The following SCN10A variants were observed in gnomAD, a reference collection of about 807,000 sequenced individuals.
SCN10A encodes the protein sodium channel protein type 10 subunit alpha.
In SCN10A, 162 loss-of-function variants were observed where a neutral mutation model predicts 170.7. That is an observed-to-expected ratio of 0.95 (90% CI 0.84 to 1.08). SCN10A has a LOEUF of 1.08. Ranked by LOEUF, SCN10A falls within the 50% of genes least tolerant of loss-of-function variation. The probability of loss-of-function intolerance (pLI) is 0.00; values close to 1 mark genes in which losing one functional copy is unlikely to be tolerated. For synonymous variants in SCN10A, 985 were observed against 904.6 expected (o/e 1.09, Z -1.59); for missense variants, 2,527 against 2,436.9 (o/e 1.04, Z -0.78).
chr3:38,782,317 G>A lies in SCN10A; in HGVS notation c.470+6639C>T, dbSNP rs113517900. Among the ~76,000 whole-genome samples the A allele has an allele frequency of 2.9e-3, 434 of 152,022 alleles. 2 individuals are homozygous for A. Among genetic ancestry groups the A allele is most frequent in the African/African-American group, 9.6e-3 (397 of 41,480 alleles). On this transcript the variant is annotated intron_variant, in intron 4 of 27. Coordinates refer to ENST00000449082, the MANE Select transcript of SCN10A (RefSeq NM_006514.4). ...CTGGGGCTTGTTGGGCAGCGGGGGC[G>A]GTAAAATGCCTTTATTCTCATTTTT... is the stretch of plus-strand genomic sequence containing the variant.
intron 15 of SCN10A, among the ~76,000 whole-genome samples, chr3:38,731,298 G>C (rs1262463774): frequency 6.6e-6 from 1 of 152,160 alleles, no homozygotes; most frequent in African/African-American, 2.4e-5. Flanking sequence ...TAAACAAAGA[G>C]GTTATGGCCA....
At chr3:38,776,792 AG>A (rs1421119978) in intron 4 of SCN10A, among the ~76,000 whole-genome samples, 2 of 152,064 alleles carry the variant, frequency 1.3e-5, no homozygotes, top group Non-Finnish European at 2.9e-5. Context: ...TTATGAAAGA[AG>A]ATTACAGGCC....
intron 1 of SCN10A, among the ~76,000 whole-genome samples, chr3:38,794,417 G>A (rs1252515987): frequency 6.6e-6 from 1 of 152,148 alleles, no homozygotes; most frequent in Non-Finnish European, 1.5e-5. Context: ...TTGGTTTATA[G>A]TCTACTTTAT....
At chr3:38,799,622 C>T (rs1379570499) in intron 1 of SCN10A, among the ~76,000 whole-genome samples, 1 of 152,076 alleles carries the variant, frequency 6.6e-6, no homozygotes, top group Non-Finnish European at 1.5e-5. Context: ...CGTGCTTCTG[C>T]CTGATGCTCT....
chr3:38,710,716 A>ACAGTGTGAGGTTGCTGGGTGATG (rs2063264276), intron 24 of SCN10A, 128 bp downstream of exon 24: 2 of 822,714 alleles, frequency 2.4e-6, no homozygotes, highest in Non-Finnish European at 4.0e-6. Context: ...GCAAGGAGGG[A>ACAGTGTGAGGTTGCTGGGTGATG]CAGTGTGAGG....
At chr3:38,751,359 C>T (rs2063745225) in intron 12 of SCN10A, among the ~76,000 whole-genome samples, 1 of 152,204 alleles carries the variant, frequency 6.6e-6, no homozygotes, top group South Asian at 2.1e-4. Context: ...GCCCAGCCCA[C>T]ACCTCTGTAA....
At position 38,697,411 on chromosome 3, in the gene SCN10A, A is replaced by T. The variant is rs1412226048; in HGVS notation, c.5809T>A (p.Ser1937Thr). 6.2e-7 allele frequency: 1 copy of T among 1,614,232 alleles called. No individual in the cohort carries two copies. Among genetic ancestry groups the T allele is most frequent in the Non-Finnish European group, 8.5e-7 (1 of 1,180,048 alleles). ...TCATCTTCATTTTGTATTGAGCTAG[A>T]TGTCCTCATGTTGACTCTATCACTA... is the stretch of plus-strand genomic sequence containing the variant. ...GLSDRVNMRT[S>T]SSIQNEDEAT... Residue 1937 changes from serine (S) to threonine (T), a missense_variant, in exon 28 of 28, where the codon TCT (serine) becomes ACT (threonine). Coordinates refer to ENST00000449082, the MANE Select transcript of SCN10A (RefSeq NM_006514.4).
In SCN10A at chr3:38,752,251, T is replaced by C. The variant is rs1356542268; in HGVS notation, c.1723A>G (p.Ser575Gly). 1.1e-5 allele frequency: 17 copies of C among 1,561,852 alleles called. No homozygotes were observed. Among genetic ancestry groups the C allele is most frequent in the Non-Finnish European group, 1.4e-5 (16 of 1,153,080 alleles). ...TCGACAGCTCCAGGGGCAAGCTCAC[T>C]AGTGGGCGGCGGTTGGTGTTCATCT... ...GEDEHQPPPT[S>G]ELAPGAVDVS... is the part of the protein sequence containing the mutation. The change falls in exon 12 of 28, where the codon AGT becomes GGT. Residue 575 changes from serine (S) to glycine (G), a missense_variant. Transcript: ENST00000449082.
At chr3:38,760,776 C>T in intron 7 of SCN10A, 29 bp from the exon 8 acceptor site, 1 of 1,586,628 alleles carries the variant, frequency 6.3e-7, no homozygotes, top group Non-Finnish European at 8.7e-7. Context: ...GAAAGCCTCA[C>T]AGATGGTTCT....
At chr3:38,761,448 A>T in intron 6 of SCN10A, 65 bp from the exon 7 acceptor site, 9 of 1,387,876 alleles carry the variant, frequency 6.5e-6, no homozygotes, top group Non-Finnish European at 9.0e-6. Context: ...ACACTTCTTC[A>T]TCTTAGCCAT....
intron 5 of SCN10A, among the ~76,000 whole-genome samples, chr3:38,764,780 G>T (rs1050915153): frequency 2.4e-4 from 37 of 152,252 alleles, no homozygotes; most frequent in South Asian, 2.1e-4. Flanking sequence ...AGTTCTTTAA[G>T]GAATCTCCAT....
chr3:38,736,972 T>G (rs1378429858), intron 15 of SCN10A, among the ~76,000 whole-genome samples: 2 of 96,134 alleles, frequency 2.1e-5, no homozygotes, highest in Non-Finnish European at 4.3e-5. Flanking sequence ...CGTTTTTTTT[T>G]TTTTTTTTTT....
In SCN10A at chr3:38,726,721, G is replaced by A. The variant is rs138413438; in HGVS notation, c.2972C>T (p.Pro991Leu). The part of the protein sequence containing the change: ...RDEHSDFIAN[P>L]TVWVSVPIAE... ...AATGGGCACAGAGACCCACACAGTC[G>A]GATTAGCGATGAAGTCACTGTGCTC... The change falls in exon 17 of 28, where the codon CCG becomes CTG. Residue 991 changes from proline (P) to leucine (L), a missense_variant. Pro to Leu is a moderately conservative substitution (Grantham distance 98). Transcript: ENST00000449082. The A allele has an allele frequency of 1.2e-3, 1,932 of 1,612,904 alleles. 2 individuals carry two copies. Among genetic ancestry groups the A allele is most frequent in the Non-Finnish European group, 1.5e-3 (1,782 of 1,178,950 alleles).
chr3:38,791,047 A>G (rs919259683), intron 3 of SCN10A, among the ~76,000 whole-genome samples: 2 of 152,228 alleles, frequency 1.3e-5, no homozygotes, highest in Non-Finnish European at 2.9e-5. Context: ...TACCAGCTCA[A>G]TGACAACTGT....
At chr3:38,729,501 T>C (rs984295847) in intron 15 of SCN10A, among the ~76,000 whole-genome samples, 1 of 152,096 alleles carries the variant, frequency 6.6e-6, no homozygotes, top group Non-Finnish European at 1.5e-5. Flanking sequence ...ACTCCAGCCG[T>C]GCAGGTGCAT....
intron 26 of SCN10A, among the ~76,000 whole-genome samples, chr3:38,706,822 G>T (rs2063215532): frequency 6.6e-6 from 1 of 152,150 alleles, no homozygotes; most frequent in South Asian, 2.1e-4. Flanking sequence ...ACTGCATCTT[G>T]GATCCTGACA....
At chr3:38,792,469 C>G (rs1292254183) in intron 2 of SCN10A, among the ~76,000 whole-genome samples, 2 of 152,138 alleles carry the variant, frequency 1.3e-5, no homozygotes, top group Non-Finnish European at 2.9e-5. Context: ...AGGTGTTATG[C>G]CCAGGGGAGG....
chr3:38,707,225 C>T, intron 26 of SCN10A, 54 bp downstream of exon 26: 3 of 1,582,816 alleles, frequency 1.9e-6, no homozygotes, highest in Non-Finnish European at 2.6e-6. Context: ...CAGGCATAGA[C>T]TGTCATGTTG....
intron 2 of SCN10A, among the ~76,000 whole-genome samples, chr3:38,792,884 C>T (rs548036815): frequency 1.4e-4 from 22 of 152,064 alleles, no homozygotes; most frequent in African/African-American, 4.6e-4. Flanking sequence ...TATTGAGGAC[C>T]CCAAATAACT....
Sources: allele counts gnomAD v4.1 joint callset (sites outside exome capture counted in the v4.1 genomes callset), GRCh38; gene constraint gnomAD v4.1.1; transcripts MANE v1.5; gene names NCBI Gene and HGNC (gene_info 2026-07-23, HGNC 2026-07-21).